Variants in RAB2A observed in about 807,000 individuals in gnomAD.
The protein encoded by RAB2A is RAB2A, member RAS oncogene family.
In RAB2A, 7 loss-of-function variants were observed where a neutral mutation model predicts 32.5. The ratio of observed to expected loss-of-function variants is 0.22; its 90% CI spans 0.12 to 0.40. The LOEUF is 0.40. Among genes scored for constraint, RAB2A ranks in the 10% least tolerant of loss-of-function variants. The probability of loss-of-function intolerance (pLI) is 1.00; values close to 1 mark genes in which losing one functional copy is unlikely to be tolerated. For synonymous variants in RAB2A, 79 were observed against 85.2 expected, an observed-to-expected ratio of 0.93 and a Z score of 0.40; for missense variants, 108 against 260.7, an observed-to-expected ratio of 0.41 and a Z score of 4.03.
chr8:60,550,056 T>C (rs1807821994), intron 1 of RAB2A, among the ~76,000 whole-genome samples: 1 of 152,206 alleles, frequency 6.6e-6, no homozygotes, highest in Non-Finnish European at 1.5e-5. Context: ...TCTTGAAATC[T>C]GTACTCACAT....
intron 1 of RAB2A, among the ~76,000 whole-genome samples, chr8:60,518,995 T>C (rs961625119): frequency 6.6e-6 from 1 of 152,232 alleles, no homozygotes; most frequent in Non-Finnish European, 1.5e-5. Context: ...GTATTGTGCA[T>C]GGAGTAGTGG....
intron 1 of RAB2A, among the ~76,000 whole-genome samples, chr8:60,536,334 G>A (rs1270504073): frequency 6.6e-6 from 1 of 151,992 alleles, no homozygotes; most frequent in Non-Finnish European, 1.5e-5. Flanking sequence ...GAGTTTTTCT[G>A]CTTACAGCCT....
At chr8:60,531,347 G>A (rs1397462721) in intron 1 of RAB2A, among the ~76,000 whole-genome samples, 1 of 152,142 alleles carries the variant, frequency 6.6e-6, no homozygotes, top group African/African-American at 2.4e-5. Flanking sequence ...TGTCTGTACT[G>A]TTTACTTGTG....
intron 1 of RAB2A, among the ~76,000 whole-genome samples, chr8:60,547,655 T>A (rs1285228750): frequency 8.9e-6 from 1 of 112,850 alleles, no homozygotes; most frequent in Non-Finnish European, 1.9e-5. Flanking sequence ...GGCGGGGGGC[T>A]GACCCCCCCA....
Position 60,550,780 on chromosome 8 carries a change from C to T in RAB2A, c.47-8072C>T, listed in dbSNP as rs148107604. On this transcript the variant is annotated intron_variant, in intron 1 of 7. Transcript: ENST00000262646. ...TAAGTAAAATTATATTACTTCTCTGCTGAAAACTCTCCAGTGAATCCCCTA... is the reference window on the plus strand; with the variant it reads ...TAAGTAAAATTATATTACTTCTCTGTTGAAAACTCTCCAGTGAATCCCCTA... Among the ~76,000 whole-genome samples, 403 of 152,284 alleles carry T rather than the reference C, an allele frequency of 2.6e-3. 4 individuals are homozygous for T. The highest frequency in any genetic ancestry group is 9.0e-3 in the African/African-American group (373 of 41,550).
chr8:60,595,007 A>C (rs1804000707), intron 6 of RAB2A, among the ~76,000 whole-genome samples: 1 of 152,234 alleles, frequency 6.6e-6, no homozygotes, highest in African/African-American at 2.4e-5. Context: ...TTTACCCAGC[A>C]AAGAAAAAAA....
chr8:60,553,146 A>C (rs1055778103), intron 1 of RAB2A: 1 of 152,224 alleles, frequency 6.6e-6, no homozygotes, highest in Non-Finnish European at 1.5e-5. Context: ...AACCAGCAGG[A>C]TATATGTGTG....
intron 2 of RAB2A, among the ~76,000 whole-genome samples, chr8:60,566,771 T>G (rs1808120557): frequency 6.6e-6 from 1 of 152,152 alleles, no homozygotes; most frequent in East Asian, 1.9e-4. Flanking sequence ...CAAACTCCAC[T>G]TTTTTGGAGT....
intron 1 of RAB2A, among the ~76,000 whole-genome samples, chr8:60,535,598 G>A (rs1019438653): frequency 6.6e-6 from 1 of 152,156 alleles, no homozygotes; most frequent in African/African-American, 2.4e-5. Context: ...GTCTGTGGTA[G>A]CAAATAACAG....
At chr8:60,549,209 G>A (rs555541444) in intron 1 of RAB2A, among the ~76,000 whole-genome samples, 5,608 of 149,468 alleles carry the variant, frequency 0.038, 272 homozygotes, top group African/African-American at 0.13. Context: ...GCGGCCAGGC[G>A]GAGACGCTCC....
intron 1 of RAB2A, among the ~76,000 whole-genome samples, chr8:60,548,625 GC>G (rs1807785076): frequency 6.9e-6 from 1 of 145,322 alleles, no homozygotes; most frequent in Non-Finnish European, 1.5e-5. Flanking sequence ...GGATGGGGCG[GC>G]TGGCCGAGCG....
At chr8:60,609,771 G>T (rs896326297) in intron 6 of RAB2A, among the ~76,000 whole-genome samples, 2 of 151,948 alleles carry the variant, frequency 1.3e-5, no homozygotes, top group Admixed American at 6.6e-5. Flanking sequence ...TTTGAGACCA[G>T]CCTGGCCCGC....
At chr8:60,555,090 T>C (rs1807914658) in intron 1 of RAB2A, among the ~76,000 whole-genome samples, 1 of 152,236 alleles carries the variant, frequency 6.6e-6, no homozygotes. Flanking sequence ...ATACATTATA[T>C]AGATACAGTT....
intron 1 of RAB2A, among the ~76,000 whole-genome samples, chr8:60,531,346 T>C (rs7825285): frequency 0.082 from 12,469 of 152,272 alleles, 1,551 homozygotes; most frequent in African/African-American, 0.27. Flanking sequence ...GTGTCTGTAC[T>C]GTTTACTTGT....
intron 3 of RAB2A, among the ~76,000 whole-genome samples, chr8:60,581,268 A>G (rs1803745627): frequency 3.9e-5 from 6 of 152,198 alleles, no homozygotes. Context: ...GATAAGTATA[A>G]TGCAAATATT....
intron 5 of RAB2A, among the ~76,000 whole-genome samples, chr8:60,589,361 A>G (rs1215107681): frequency 6.6e-6 from 1 of 152,188 alleles, no homozygotes; most frequent in East Asian, 1.9e-4. Flanking sequence ...GAACAGAGAG[A>G]AATAAATGAG....
rs536603939 is a variant in RAB2A, at chr8:60,558,786, T to C, written c.47-66T>C. The C allele has an allele frequency of 4.4e-6, 6 of 1,358,886 alleles. No homozygotes were observed. In the Admixed American group the frequency reaches 1.0e-4, roughly 23 times the overall value. The allele number at this position is 1,358,886 out of a possible 1,614,324, so 84.2% of individuals were successfully genotyped here. A position where few individuals can be genotyped will look rare whatever the true frequency, so the allele number is the denominator to read the frequency against. On this transcript the variant is annotated intron_variant, in intron 1 of 7. Coordinates refer to ENST00000262646, the MANE Select transcript of RAB2A (RefSeq NM_002865.3). ...AAACCCTGGCTGCCTCTTTTCCATG[T>C]CCTTTTTGTAAAGCATCTTAATTTC...
intron 6 of RAB2A, among the ~76,000 whole-genome samples, chr8:60,611,450 C>T (rs544949722): frequency 6.2e-4 from 94 of 152,314 alleles, no homozygotes; most frequent in African/African-American, 2.1e-3. Flanking sequence ...TTTTCTCTCT[C>T]AGAAGTGGTC....
chr8:60,616,234 C>T (rs1804445819), intron 6 of RAB2A, among the ~76,000 whole-genome samples: 1 of 152,160 alleles, frequency 6.6e-6, no homozygotes, highest in Admixed American at 6.5e-5. Flanking sequence ...GCATCACTTT[C>T]TTAAGCCTGT....
Sources: gnomAD v4.1 joint callset for allele counts (sites outside exome capture counted in the v4.1 genomes callset) on GRCh38, gnomAD v4.1.1 for gene constraint, MANE v1.5 for transcripts, NCBI Gene and HGNC (gene_info 2026-07-23, HGNC 2026-07-21) for gene names.